Variants in PTPRN2 observed in about 807,000 individuals in gnomAD.
PTPRN2 encodes the protein protein tyrosine phosphatase receptor type N2, also known as receptor-type tyrosine-protein phosphatase N2.
PTPRN2 carries 74 observed loss-of-function variants against 118.8 expected under a neutral mutation model. The observed-to-expected ratio is 0.62, with a 90% confidence interval of 0.52 to 0.76. PTPRN2 has a LOEUF of 0.76. PTPRN2 is among the 30% of genes least tolerant of loss of function. PTPRN2 has a pLI of 0.00. For synonymous variants in PTPRN2, 641 were observed against 608.0 expected, an observed-to-expected ratio of 1.05 and a Z score of -0.80; for missense variants, 1,481 against 1,394.4, an observed-to-expected ratio of 1.06 and a Z score of -0.99.
chr7:157,670,372 C>T (rs1219734831), intron 13 of PTPRN2, among the ~76,000 whole-genome samples: 1 of 97,738 alleles, frequency 1.0e-5, no homozygotes, highest in Non-Finnish European at 2.6e-5. Flanking sequence ...TCTTCATTTG[C>T]TCTGCTCCTG....
chr7:157,875,731 A>C (rs1563197654), intron 12 of PTPRN2, among the ~76,000 whole-genome samples: 1 of 150,288 alleles, frequency 6.7e-6, no homozygotes. Flanking sequence ...AGGCATCCCC[A>C]GGGGGGCACG....
At chr7:158,434,810 T>C (rs768405410) in intron 2 of PTPRN2, among the ~76,000 whole-genome samples, 12 of 152,174 alleles carry the variant, frequency 7.9e-5, no homozygotes, top group Non-Finnish European at 1.6e-4. Context: ...TTTTTGTGGC[T>C]ATTCTAGAAA....
At chr7:158,550,546 C>T (rs1301869515) in intron 1 of PTPRN2, among the ~76,000 whole-genome samples, 2 of 152,240 alleles carry the variant, frequency 1.3e-5, no homozygotes, top group Non-Finnish European at 2.9e-5. Flanking sequence ...CGGAGTCTAA[C>T]TGCAATGACT....
intron 12 of PTPRN2, among the ~76,000 whole-genome samples, chr7:157,736,705 T>A (rs1283181438): frequency 2.0e-5 from 3 of 151,914 alleles, no homozygotes; most frequent in African/African-American, 7.2e-5. Context: ...TGGCCAGTGC[T>A]TGTCTTAGTG....
chr7:158,495,806 C>T (rs1382475124), intron 1 of PTPRN2, among the ~76,000 whole-genome samples: 1 of 152,160 alleles, frequency 6.6e-6, no homozygotes, highest in African/African-American at 2.4e-5. Context: ...AGGACAGAGA[C>T]CCCCAGACCC....
At position 158,273,636 on chromosome 7, in the gene PTPRN2, CGCAG is replaced by C. The variant is rs1285643404; in HGVS notation, c.277+43179_277+43182del. Among the ~76,000 whole-genome samples, 10 of 93,628 alleles carry C rather than the reference CGCAG, an allele frequency of 1.1e-4. 2 individuals are homozygous for C. Among genetic ancestry groups the C allele is most frequent in the Admixed American group, 4.2e-4 (4 of 9,488 alleles). 61.4% of individuals were successfully genotyped at this position (93,628 alleles called of 152,430 possible). A position where few individuals can be genotyped will look rare whatever the true frequency, so the allele number is the denominator to read the frequency against. On this transcript the variant is annotated intron_variant, in intron 3 of 22. Transcript: ENST00000389418. The stretch of plus-strand genomic sequence containing the variant: ...CGGGGAGCCGCAGGCATGGGGGAGC[CGCAG>C]ACAGACATGGGAGGAGCCGCAGACA...
intron 2 of PTPRN2, among the ~76,000 whole-genome samples, chr7:158,341,467 T>A (rs1177022739): frequency 2.1e-5 from 3 of 144,936 alleles, no homozygotes; most frequent in Non-Finnish European, 3.0e-5. Flanking sequence ...CAGACGTCAT[T>A]CACACCCACA....
intron 12 of PTPRN2, among the ~76,000 whole-genome samples, chr7:157,894,383 G>A (rs1194891567): frequency 6.7e-6 from 1 of 149,022 alleles, no homozygotes; most frequent in Non-Finnish European, 1.5e-5. Flanking sequence ...GCTGAGAGCT[G>A]GGGTGTGAGT....
At chr7:157,766,553 C>A (rs143541890) in intron 12 of PTPRN2, among the ~76,000 whole-genome samples, 42 of 152,340 alleles carry the variant, frequency 2.8e-4, no homozygotes, top group Non-Finnish European at 5.1e-4. Context: ...TCAGAAAAAG[C>A]TATTCTCAGA....
intron 13 of PTPRN2, among the ~76,000 whole-genome samples, chr7:157,678,726 A>C (rs978693368): frequency 2.0e-5 from 3 of 152,204 alleles, no homozygotes; most frequent in African/African-American, 4.8e-5. Flanking sequence ...AAGGCCTCCA[A>C]GTACACAAGG....
intron 3 of PTPRN2, among the ~76,000 whole-genome samples, chr7:158,312,634 G>A (rs550897823): frequency 1.3e-5 from 2 of 148,192 alleles, no homozygotes; most frequent in South Asian, 2.2e-4. Flanking sequence ...CAGGATTTGA[G>A]ATTCTTTCCT....
intron 13 of PTPRN2, among the ~76,000 whole-genome samples, 181 bp from the exon 14 acceptor site, chr7:157,656,732 C>T (rs1017409994): frequency 3.4e-4 from 52 of 152,052 alleles, no homozygotes; most frequent in African/African-American, 1.1e-3. Flanking sequence ...CCAAAGCACG[C>T]GCCCAGCACG....
intron 11 of PTPRN2, among the ~76,000 whole-genome samples, chr7:158,033,892 C>T (rs556261862): frequency 1.3e-5 from 2 of 148,990 alleles, no homozygotes; most frequent in Admixed American, 6.7e-5. Context: ...CACACTGAGA[C>T]CCCATTAAAA....
intron 11 of PTPRN2, among the ~76,000 whole-genome samples, chr7:157,975,998 G>A (rs981176691): frequency 2.6e-5 from 4 of 152,202 alleles, no homozygotes; most frequent in Admixed American, 6.5e-5. Context: ...AACTTCTGTC[G>A]AGGATGGCAG....
intron 3 of PTPRN2, among the ~76,000 whole-genome samples, chr7:158,289,354 C>T (rs1368970520): frequency 6.6e-6 from 1 of 152,162 alleles, no homozygotes; most frequent in Non-Finnish European, 1.5e-5. Flanking sequence ...TTCTTCATTC[C>T]CGTTTACTCT....
intron 1 of PTPRN2, among the ~76,000 whole-genome samples, chr7:158,513,418 C>G (rs1486866079): frequency 6.6e-6 from 1 of 152,162 alleles, no homozygotes; most frequent in Non-Finnish European, 1.5e-5. Flanking sequence ...AGAGAAACTT[C>G]ATTAGGTGAA....
At chr7:158,374,109 T>C (rs1281404261) in intron 2 of PTPRN2, among the ~76,000 whole-genome samples, 1 of 152,188 alleles carries the variant, frequency 6.6e-6, no homozygotes, top group South Asian at 2.1e-4. Context: ...CAGTGGCCCT[T>C]CTGACCCTTG....
chr7:158,138,543 C>A, intron 6 of PTPRN2, 28 bp from the exon 7 acceptor site: 3 of 1,594,666 alleles, frequency 1.9e-6, no homozygotes, highest in Non-Finnish European at 2.6e-6. Context: ...AACACAAGGA[C>A]GTTGTGGGTG....
chr7:157,703,213 C>T (rs889283159), intron 12 of PTPRN2, among the ~76,000 whole-genome samples: 2 of 152,236 alleles, frequency 1.3e-5, no homozygotes, highest in African/African-American at 4.8e-5. Flanking sequence ...GGTGACTCCA[C>T]TCCGATGCCT....
Sources: allele counts gnomAD v4.1 joint callset (sites outside exome capture counted in the v4.1 genomes callset), GRCh38; gene constraint gnomAD v4.1.1; transcripts MANE v1.5; gene names NCBI Gene and HGNC (gene_info 2026-07-23, HGNC 2026-07-21).